PPP2R5C: variants seen among roughly 807,000 people sequenced by gnomAD.
The protein encoded by PPP2R5C is serine/threonine-protein phosphatase 2A 56 kDa regulatory subunit gamma isoform.
In PPP2R5C, 7 loss-of-function variants were observed where a neutral mutation model predicts 68.9. That is an observed-to-expected ratio of 0.10 (90% CI 0.06 to 0.19). PPP2R5C has a LOEUF of 0.19. PPP2R5C is among the 10% of genes least tolerant of loss of function. The pLI, the probability that PPP2R5C is intolerant of heterozygous loss-of-function variation, is 1.00. For synonymous variants in PPP2R5C, 210 were observed against 222.2 expected (o/e 0.95, Z 0.49); for missense variants, 348 against 641.3 (o/e 0.54, Z 4.94).
chr14:101,782,797 T>C (rs1266779171), intron 2 of PPP2R5C, among the ~76,000 whole-genome samples: 1 of 3,156 alleles, frequency 3.2e-4, no homozygotes, highest in East Asian at 0.014. Flanking sequence ...TCCCCCTGCC[T>C]CTCTTTCCCC....
rs77526544 is a variant in PPP2R5C at position 101,832,818 on chromosome 14, G to A, written c.94+22782G>A. 3.6e-3 allele frequency among the ~76,000 whole-genome samples: 543 copies of A among 152,214 alleles called. 5 individuals carry two copies. The highest frequency in any genetic ancestry group is 0.012 in the African/African-American group (510 of 41,518). ...GCGTGTCATGCCCCTTCTTCCCCGCGCTTTACCGTGTAATTTCTCTGCATG... is the reference window on the plus strand; with the variant it reads ...GCGTGTCATGCCCCTTCTTCCCCGCACTTTACCGTGTAATTTCTCTGCATG... On this transcript the variant is annotated intron_variant, in intron 1 of 13. Coordinates refer to ENST00000334743, the Ensembl canonical transcript of PPP2R5C.
At chr14:101,795,633 T>C (rs1443622594) in intron 3 of PPP2R5C, among the ~76,000 whole-genome samples, 2 of 152,176 alleles carry the variant, frequency 1.3e-5, no homozygotes, top group Admixed American at 6.5e-5. Context: ...GTAGGACTTA[T>C]TATCGGCTAA....
rs1024403411 is a variant in PPP2R5C at position 101,915,302 on chromosome 14, G to A, written c.1327-2529G>A. ...TCACTATGTTGGCCAGGCTGGTCTC[G>A]AACTCCTGACCTTGTGATCTACCTG... is the stretch of plus-strand genomic sequence containing the variant. On this transcript the variant is annotated intron_variant, in intron 12 of 13. Transcript: ENST00000334743. This position sits in a 1 kb window ranked among gnomAD's most constrained non-coding sequence, Gnocchi z 4.2. Among the ~76,000 whole-genome samples the A allele has an allele frequency of 1.1e-4, 16 of 152,070 alleles. No homozygotes were observed. Among genetic ancestry groups the A allele is most frequent in the African/African-American group, 2.2e-4 (9 of 41,402 alleles).
At chr14:101,768,613 G>A (rs970374257) in intron 2 of PPP2R5C, among the ~76,000 whole-genome samples, 3 of 151,942 alleles carry the variant, frequency 2.0e-5, no homozygotes, top group Non-Finnish European at 2.9e-5. Context: ...GCCCCTGCAC[G>A]CAAGCTGTTC....
intron 8 of PPP2R5C, among the ~76,000 whole-genome samples, chr14:101,896,502 G>A (rs367825529): frequency 1.3e-5 from 2 of 151,966 alleles, no homozygotes; most frequent in African/African-American, 4.8e-5. Flanking sequence ...GGGAGGCTGA[G>A]GCGGGTGAAT....
intron 1 of PPP2R5C, among the ~76,000 whole-genome samples, chr14:101,821,332 T>A (rs181112959): frequency 2.4e-4 from 37 of 151,922 alleles, no homozygotes; most frequent in Admixed American, 2.2e-3. Context: ...AAAACTGAAA[T>A]TTTCCCTAAC....
At chr14:101,903,698 T>A (rs1490205560) in intron 9 of PPP2R5C, among the ~76,000 whole-genome samples, 1 of 151,964 alleles carries the variant, frequency 6.6e-6, no homozygotes, top group Non-Finnish European at 1.5e-5. Flanking sequence ...TCCTTTGAGA[T>A]GGAGTCTCAC....
chr14:101,809,878 T>TTA (rs558117206), upstream of PPP2R5C: 49 of 1,570,864 alleles, frequency 3.1e-5, no homozygotes, highest in South Asian at 5.2e-4. Flanking sequence ...CTTTTTTTTT[T>TTA]TAAACTAAAA....
chr14:101,808,184 CCAGA>C (rs556572388), upstream of PPP2R5C, among the ~76,000 whole-genome samples: 124 of 151,684 alleles, frequency 8.2e-4, no homozygotes, highest in African/African-American at 2.8e-3. Context: ...GCCATCCCCT[CCAGA>C]CAGACAACCC....
At chr14:101,866,632 T>G (rs2140709038) in intron 2 of PPP2R5C, among the ~76,000 whole-genome samples, 1 of 152,190 alleles carries the variant, frequency 6.6e-6, no homozygotes, top group Admixed American at 6.5e-5. Context: ...ATCACGCTAC[T>G]GTGCTCCAAC....
rs2037688974 is a variant in PPP2R5C at position 101,781,510 on chromosome 14, G to A, written c.94-4508G>A. 7.5e-6 allele frequency among the ~76,000 whole-genome samples: 1 copy of A among 133,494 alleles called. No homozygotes were observed. The highest frequency in any genetic ancestry group is 2.5e-4 in the South Asian group (1 of 3,964). The allele number at this position is 133,494 out of a possible 152,430, so 87.6% of individuals were successfully genotyped here. On this transcript the variant is annotated intron_variant, in intron 2 of 14. Transcript: ENST00000328724. The surrounding 1 kb of genome is among the most constrained non-coding windows in gnomAD (Gnocchi z 6.4). ...GCCGCCCCCCAGCCTCCCCGCCCCT[G>A]CCCTTGCCAGCCTGCGCCTTCCTGG... is the stretch of plus-strand genomic sequence containing the variant.
intron 2 of PPP2R5C, among the ~76,000 whole-genome samples, chr14:101,878,744 C>T (rs1207799489): frequency 1.3e-5 from 2 of 152,172 alleles, no homozygotes; most frequent in Non-Finnish European, 2.9e-5. Context: ...TCTCAGCTGA[C>T]TGGTTGAAGC....
chr14:101,799,224 C>T (rs61994032), intron 3 of PPP2R5C, among the ~76,000 whole-genome samples: 19,140 of 152,134 alleles, frequency 0.13, 1,335 homozygotes, highest in Admixed American at 0.18. Flanking sequence ...CACGCCGCAG[C>T]TGAAGGGATC....
Position 101,890,219 on chromosome 14 carries a change from G to T in PPP2R5C, c.630-18G>T. On this transcript the variant is annotated intron_variant, in intron 5 of 13. Coordinates refer to ENST00000334743, the Ensembl canonical transcript of PPP2R5C. The stretch of plus-strand genomic sequence containing the variant: ...TTAGTTCAGTGTCTAATTCTAATGG[G>T]AAAATTGTTTTTTCTAGGTTTATTT... The T allele has an allele frequency of 6.2e-7, 1 of 1,604,928 alleles. No individual in the cohort carries two copies. Among genetic ancestry groups the T allele is most frequent in the Non-Finnish European group, 8.5e-7 (1 of 1,172,360 alleles).
chr14:101,875,233 A>G (rs1353297201), intron 2 of PPP2R5C, among the ~76,000 whole-genome samples: 1 of 152,136 alleles, frequency 6.6e-6, no homozygotes, highest in South Asian at 2.1e-4. Flanking sequence ...CGCGAGGTAG[A>G]TTTGTGGGAA....
At position 101,786,002 on chromosome 14, in the gene PPP2R5C, GT is replaced by G; in HGVS notation, c.94-11del. On this transcript the variant is annotated splice_polypyrimidine_tract_variant and intron_variant, in intron 2 of 14. Coordinates refer to the PPP2R5C transcript ENST00000328724. ...CCATTGTACATATTCATTTGTTTTT[GT>G]TTTTGTTTTGGAAGCAAATTTCCGT... 3 of 1,517,316 alleles carry G rather than the reference GT, an allele frequency of 2.0e-6. No homozygotes were observed. The highest frequency in any genetic ancestry group is 2.6e-6 in the Non-Finnish European group (3 of 1,136,254). The allele number at this position is 1,517,316 out of a possible 1,614,324, so 94.0% of individuals were successfully genotyped here. A position where few individuals can be genotyped will look rare whatever the true frequency, so the allele number is the denominator to read the frequency against.
At chr14:101,767,859 G>A (rs1158867788) in intron 2 of PPP2R5C, among the ~76,000 whole-genome samples, 1 of 152,152 alleles carries the variant, frequency 6.6e-6, no homozygotes, top group Non-Finnish European at 1.5e-5. Context: ...TGAGCTTGCT[G>A]CCCTTGAGGC....
At chr14:101,761,775 G>C, upstream of PPP2R5C, 1 of 970,160 alleles carries the variant, frequency 1.0e-6, no homozygotes, top group Non-Finnish European at 1.2e-6. Context: ...GAAAGACTCA[G>C]TCCCCGGGCG....
intron 1 of PPP2R5C, among the ~76,000 whole-genome samples, chr14:101,846,479 C>T (rs1377733874): frequency 6.6e-6 from 1 of 152,188 alleles, no homozygotes; most frequent in African/African-American, 2.4e-5. Flanking sequence ...TTGTAAATTT[C>T]AGAAGTCATC....
Sources: allele counts gnomAD v4.1 joint callset (sites outside exome capture counted in the v4.1 genomes callset), GRCh38; gene constraint gnomAD v4.1.1; non-coding constraint Gnocchi (gnomAD v3.1); transcripts MANE v1.5; gene names NCBI Gene and HGNC (gene_info 2026-07-23, HGNC 2026-07-21).